ARL10: variants seen among roughly 807,000 people sequenced by gnomAD.
ARL10 encodes the protein ARF like GTPase 10, also known as ADP-ribosylation factor-like protein 10.
ARL10 carries 23 observed loss-of-function variants against 26.1 expected under a neutral mutation model. The ratio of observed to expected loss-of-function variants is 0.88; its 90% CI spans 0.63 to 1.25. ARL10 has a LOEUF of 1.25. Ranked by LOEUF, ARL10 falls within the 50% of genes most tolerant of loss-of-function variation. The pLI, the probability that ARL10 is intolerant of heterozygous loss-of-function variation, is 0.00. For missense variants in ARL10, 300 were observed against 323.6 expected (o/e 0.93, Z 0.56); for synonymous variants, 138 against 149.1 (o/e 0.93, Z 0.54).
chr5:176,383,416 G>C (rs200991093), downstream of ARL10, among the ~76,000 whole-genome samples: 1 of 152,240 alleles, frequency 6.6e-6, no homozygotes, highest in Non-Finnish European at 1.5e-5. Context: ...TCATGCCACC[G>C]AATCAGGCAA....
downstream of ARL10, chr5:176,385,285 G>A: frequency 6.2e-7 from 1 of 1,613,200 alleles, no homozygotes; most frequent in South Asian, 1.1e-5. Flanking sequence ...CCGAGACAGA[G>A]TATTTCCTTT....
chr5:176,390,554 C>G (rs529569307), downstream of ARL10, among the ~76,000 whole-genome samples: 1 of 152,156 alleles, frequency 6.6e-6, no homozygotes, highest in African/African-American at 2.4e-5. Flanking sequence ...CTCAGCCTCC[C>G]GAGTAGCTGG....
downstream of ARL10, chr5:176,383,883 G>A: frequency 1.6e-6 from 2 of 1,269,610 alleles, no homozygotes; most frequent in Non-Finnish European, 2.1e-6. Context: ...GGTAGAGGTG[G>A]TTTTCACCGG....
Position 176,377,999 on chromosome 5 carries a change from C to G in ARL10, c.*6104C>G, listed in dbSNP as rs1755437350. ...CTGGTCTTGAACTCCTGGGCTCAAGCTGTCAGTCCAGCTCAGCTTCCCAAA... is the reference window on the plus strand; with the variant it reads ...CTGGTCTTGAACTCCTGGGCTCAAGGTGTCAGTCCAGCTCAGCTTCCCAAA... On this transcript the variant is annotated 3_prime_UTR_variant, in exon 4 of 4. Transcript: ENST00000310389. The surrounding 1 kb of genome is among the most constrained non-coding windows in gnomAD (Gnocchi z 4.5). 2 of 152,228 alleles carry G rather than the reference C, an allele frequency of 1.3e-5. No individual in the cohort carries two copies. Among genetic ancestry groups the G allele is most frequent in the Non-Finnish European group, 2.9e-5 (2 of 68,064 alleles). 9.4% of individuals were successfully genotyped at this position (152,228 alleles called of 1,614,324 possible).
downstream of ARL10, chr5:176,388,704 C>T (rs113510659): frequency 6.9e-7 from 1 of 1,444,960 alleles, no homozygotes; most frequent in Non-Finnish European, 9.4e-7. Context: ...CAGGATGCAA[C>T]GAGCATTTGC....
chr5:176,399,457 TG>T (rs1449886884), intron 1 of ARL10, among the ~76,000 whole-genome samples: 1 of 152,046 alleles, frequency 6.6e-6, no homozygotes, highest in Non-Finnish European at 1.5e-5. Context: ...ATTTGAAAAA[TG>T]GGGCTGGGCA....
At chr5:176,392,755 C>T (rs902082988), downstream of ARL10, 8 of 1,612,876 alleles carry the variant, frequency 5.0e-6, no homozygotes, top group Admixed American at 1.0e-4. The surrounding 1 kb of genome is among the most constrained non-coding windows in gnomAD (Gnocchi z 5.2). Context: ...TGCTCTGTGG[C>T]CATGCACCTA....
chr5:176,406,192 G>A, downstream of ARL10: 1 of 995,770 alleles, frequency 1.0e-6, no homozygotes, highest in Non-Finnish European at 1.2e-6. Flanking sequence ...TCATGGCCAG[G>A]AGGGTTGGCA....
At chr5:176,411,022 C>A in the ARL10 span, among the ~76,000 whole-genome samples, 3 of 152,232 alleles carry the variant, frequency 2.0e-5, no homozygotes, top group Non-Finnish European at 2.9e-5. Context: ...CAGGACCTCA[C>A]CACCTTGCAC....
rs956416602 is a variant in ARL10, at chr5:176,374,448, C to G, written c.*2553C>G. On this transcript the variant is annotated 3_prime_UTR_variant, in exon 4 of 4. Transcript: ENST00000310389. ...CCATTTGAGGTACAAAGGATGACTG[C>G]ATTGGTGTACTTAAGACTACAACAC... 1.3e-5 allele frequency: 2 copies of G among 152,222 alleles called. No homozygotes were observed. Among genetic ancestry groups the G allele is most frequent in the Non-Finnish European group, 2.9e-5 (2 of 68,038 alleles). The allele number at this position is 152,222 out of a possible 1,614,324, so 9.4% of individuals were successfully genotyped here. A position where few individuals can be genotyped will look rare whatever the true frequency, so the allele number is the denominator to read the frequency against.
downstream of ARL10, among the ~76,000 whole-genome samples, chr5:176,385,531 A>T (rs1353859836): frequency 6.6e-6 from 1 of 151,998 alleles, no homozygotes; most frequent in Non-Finnish European, 1.5e-5. Context: ...CCTATGACCC[A>T]CTCATCTACC....
chr5:176,397,920 C>A, intron 1 of ARL10: 1 of 1,612,280 alleles, frequency 6.2e-7, no homozygotes, highest in South Asian at 1.1e-5. Flanking sequence ...CGCCTCAGCC[C>A]CGCCCTCACC....
rs149539800 is a variant in ARL10 at position 176,378,985 on chromosome 5, G to A, written c.*7090G>A. 90 of 151,684 alleles carry A rather than the reference G, an allele frequency of 5.9e-4. 1 individual carries two copies. The highest frequency in any genetic ancestry group is 2.1e-3 in the African/African-American group (86 of 41,394). 9.4% of individuals were successfully genotyped at this position (151,684 alleles called of 1,614,324 possible). A position where few individuals can be genotyped will look rare whatever the true frequency, so the allele number is the denominator to read the frequency against. ...GAATTTAATAGACTTTCCACAGCAC[G>A]TGGAACTTGCAAAAAAAAAAGTTCA... On this transcript the variant is annotated 3_prime_UTR_variant, in exon 4 of 4. Coordinates refer to ENST00000310389, the MANE Select transcript of ARL10 (RefSeq NM_173664.6).
downstream of ARL10, among the ~76,000 whole-genome samples, chr5:176,390,107 G>A (rs1281462922): frequency 1.3e-5 from 2 of 150,418 alleles, no homozygotes; most frequent in Non-Finnish European, 3.0e-5. Context: ...ACTTGAACCC[G>A]GGAGGCGGAG....
Position 176,368,813 on chromosome 5 carries a change from G to T in ARL10, c.392G>T (p.Gly131Val), listed in dbSNP as rs765254165. 2 of 1,610,122 alleles carry T rather than the reference G, an allele frequency of 1.2e-6. No individual in the cohort carries two copies. The highest frequency in any genetic ancestry group is 1.7e-6 in the Non-Finnish European group (2 of 1,177,506). ...GCCCCTGGCCTCTCCTCAGTTGGGG[G>T]CAGCCAGAACCTGCGCTTCTACTGG... ...DFEVDLLEIG[G>V]SQNLRFYWKE... is the part of the protein sequence containing the mutation. The change falls in exon 3 of 4, where the codon GGC (glycine) becomes GTC (valine). Residue 131 changes from glycine (G) to valine (V), a missense_variant. Coordinates refer to ENST00000310389, the MANE Select transcript of ARL10 (RefSeq NM_173664.6). This position sits in a 1 kb window ranked among gnomAD's most constrained non-coding sequence, Gnocchi z 4.1.
intron 1 of ARL10, chr5:176,386,942 A>C: frequency 6.3e-7 from 1 of 1,591,732 alleles, no homozygotes; most frequent in Non-Finnish European, 8.6e-7. Flanking sequence ...GACCAGAAGG[A>C]TCTTTGATGA....
downstream of ARL10, among the ~76,000 whole-genome samples, chr5:176,390,551 T>A (rs1437330697): frequency 6.6e-6 from 1 of 152,148 alleles, no homozygotes; most frequent in Non-Finnish European, 1.5e-5. Context: ...TGCCTCAGCC[T>A]CCCGAGTAGC....
chr5:176,395,092 CA>C (rs1190358410), intron 1 of ARL10, among the ~76,000 whole-genome samples: 2 of 149,652 alleles, frequency 1.3e-5, no homozygotes, highest in African/African-American at 5.0e-5. Flanking sequence ...CACCCATCCC[CA>C]CCATCCCCAC....
chr5:176,395,662 A>G (rs1449985608), intron 1 of ARL10, among the ~76,000 whole-genome samples: 2 of 152,088 alleles, frequency 1.3e-5, no homozygotes, highest in Non-Finnish European at 2.9e-5. Flanking sequence ...TTGATTACTC[A>G]TCACACCAAG....
Sources: gnomAD v4.1 joint callset for allele counts (sites outside exome capture counted in the v4.1 genomes callset) on GRCh38, gnomAD v4.1.1 for gene constraint, Gnocchi (gnomAD v3.1) non-coding constraint, MANE v1.5 for transcripts, NCBI Gene and HGNC (gene_info 2026-07-23, HGNC 2026-07-21) for gene names.